Variants in SLC22A25 observed in about 807,000 individuals in gnomAD.
SLC22A25 encodes the protein solute carrier family 22 member 25, also known as MGI:2442751, MGI:2385316, MGI:3042283, MGI:3645714, MGI:3605624, MGI:2442750.
Under a neutral mutation model 45.9 loss-of-function variants are expected in SLC22A25, and 44 were observed. The ratio of observed to expected loss-of-function variants is 0.96; its 90% CI spans 0.75 to 1.23. The LOEUF is 1.23. Among genes scored for constraint, SLC22A25 ranks in the 50% most tolerant of loss-of-function variants. The pLI is 0.00. For synonymous variants in SLC22A25, 283 were observed against 238.6 expected (o/e 1.19, Z -1.72); for missense variants, 800 against 666.4 (o/e 1.20, Z -2.21).
intron 7 of SLC22A25, among the ~76,000 whole-genome samples, chr11:63,195,494 C>T (rs995638364): frequency 3.3e-5 from 5 of 152,110 alleles, no homozygotes; most frequent in African/African-American, 1.2e-4. Flanking sequence ...CGACCTGCTC[C>T]TGAATGACTA....
chr11:63,177,812 C>CAT (rs1475867103), intron 9 of SLC22A25, among the ~76,000 whole-genome samples: 6 of 86,558 alleles, frequency 6.9e-5, no homozygotes, highest in Admixed American at 1.3e-4. Flanking sequence ...TATCCAAATA[C>CAT]ATATATATAA....
chr11:63,215,602 A>C (rs1278122802), intron 7 of SLC22A25, among the ~76,000 whole-genome samples: 1 of 152,144 alleles, frequency 6.6e-6, no homozygotes, highest in Non-Finnish European at 1.5e-5. Flanking sequence ...TGGGCATAGG[A>C]CATGGACAGA....
At chr11:63,180,614 A>G (rs1240957300) in intron 9 of SLC22A25, 46 bp downstream of exon 9, 2 of 1,318,462 alleles carry the variant, frequency 1.5e-6, no homozygotes, top group Admixed American at 2.2e-5. Context: ...AAATGGATTT[A>G]TGTCTCCTCT....
chr11:63,227,947 G>A (rs376557683), intron 5 of SLC22A25, among the ~76,000 whole-genome samples: 7 of 152,310 alleles, frequency 4.6e-5, no homozygotes, highest in African/African-American at 1.7e-4. Flanking sequence ...CGTAATTGCT[G>A]TGCTCTTCCT....
chr11:63,202,727 A>T (rs1195981787), intron 7 of SLC22A25, among the ~76,000 whole-genome samples: 1 of 152,238 alleles, frequency 6.6e-6, no homozygotes, highest in East Asian at 1.9e-4. Flanking sequence ...CTGTGGGCGC[A>T]GCTTCAGCAG....
intron 7 of SLC22A25, among the ~76,000 whole-genome samples, chr11:63,200,229 T>C (rs2089196648): frequency 1.3e-5 from 2 of 150,686 alleles, no homozygotes; most frequent in Admixed American, 1.3e-4. Flanking sequence ...CCAACATCCT[T>C]GATGAACATC....
At chr11:63,207,269 G>C (rs2089432471) in intron 7 of SLC22A25, among the ~76,000 whole-genome samples, 1 of 152,176 alleles carries the variant, frequency 6.6e-6, no homozygotes. Flanking sequence ...ATTGATAAAT[G>C]GGATCTAATT....
At chr11:63,173,337 A>C (rs1474136993) in intron 9 of SLC22A25, among the ~76,000 whole-genome samples, 2 of 152,186 alleles carry the variant, frequency 1.3e-5, no homozygotes, top group Non-Finnish European at 2.9e-5. Context: ...ATACCAATGT[A>C]ACAAACCTGT....
Position 63,163,917 on chromosome 11 carries a change from T to G in SLC22A25, c.1551A>C (p.Glu517Asp). The G allele has an allele frequency of 6.2e-7, 1 of 1,613,874 alleles. No individual in the cohort carries two copies. The highest frequency in any genetic ancestry group is 1.7e-5 in the Admixed American group (1 of 59,982). Residue 517 changes from glutamate to aspartate, a missense_variant, in exon 12 of 12, where the codon GAA becomes GAC. By Grantham distance (45) the Glu-to-Asp change is conservative. Transcript: ENST00000306494. ...TGTCAAGAAGAGGCTGGTTCCTGGT[T>G]TCAGGAAGGAGGAGGACAACAAGGC... is the stretch of plus-strand genomic sequence containing the variant. ...LSGLVVLLLP[E>D]TRNQPLLDSI...
At chr11:63,188,442 C>A (rs2088653317) in intron 7 of SLC22A25, among the ~76,000 whole-genome samples, 1 of 152,096 alleles carries the variant, frequency 6.6e-6, no homozygotes. Flanking sequence ...CTCTTTTCTT[C>A]TTTATTAGTC....
intron 9 of SLC22A25, among the ~76,000 whole-genome samples, chr11:63,177,419 T>G (rs928514322): frequency 6.6e-6 from 1 of 151,944 alleles, no homozygotes; most frequent in African/African-American, 2.4e-5. Context: ...TCTGGCTATT[T>G]TGAAATATAC....
chr11:63,187,693 G>A (rs1046245696), intron 7 of SLC22A25, among the ~76,000 whole-genome samples: 4 of 152,140 alleles, frequency 2.6e-5, no homozygotes, highest in African/African-American at 7.2e-5. Flanking sequence ...GTCATAGATA[G>A]CTCTTATTAT....
At chr11:63,219,841 G>A in intron 5 of SLC22A25, 1 of 1,063,542 alleles carries the variant, frequency 9.4e-7, no homozygotes, top group Non-Finnish European at 1.3e-6. Context: ...AGAGAGCTGG[G>A]TTACTGGACT....
chr11:63,237,127 C>T (rs1268710282), intron 3 of SLC22A25, among the ~76,000 whole-genome samples: 10 of 151,972 alleles, frequency 6.6e-5, no homozygotes, highest in East Asian at 1.9e-4. Flanking sequence ...ACTTGTAAGT[C>T]GGAGCTAAAC....
At chr11:63,187,041 T>C (rs1303284057) in intron 7 of SLC22A25, among the ~76,000 whole-genome samples, 2 of 152,142 alleles carry the variant, frequency 1.3e-5, no homozygotes, top group Non-Finnish European at 2.9e-5. Context: ...CTTTTTTGGT[T>C]CCATATGAAC....
intron 5 of SLC22A25, chr11:63,218,135 C>T: frequency 2.2e-6 from 1 of 457,004 alleles, no homozygotes; most frequent in South Asian, 1.6e-5. Flanking sequence ...CCTCAATGCC[C>T]ACCAATGGTA....
chr11:63,169,390 A>G (rs1565062608), intron 9 of SLC22A25, among the ~76,000 whole-genome samples: 1 of 152,196 alleles, frequency 6.6e-6, no homozygotes, highest in Non-Finnish European at 1.5e-5. Context: ...CATAGAGTCA[A>G]GACCCACTGG....
At position 63,230,083 on chromosome 11, in the gene SLC22A25, G is replaced by A. The variant is rs1289180030; in HGVS notation, c.-431C>T. Among the ~76,000 whole-genome samples, 1 of 152,126 alleles carries A rather than the reference G, an allele frequency of 6.6e-6. No homozygotes were observed. Among genetic ancestry groups the A allele is most frequent in the Non-Finnish European group, 1.5e-5 (1 of 68,018 alleles). ...AATCTGTGGGACTCAAAGGCAAAGT[G>A]CTTTTTCTTTTCTCTGTGAAAAGAA... On this transcript the variant is annotated 5_prime_UTR_variant, in exon 4 of 12. Coordinates refer to ENST00000306494, the MANE Select transcript of SLC22A25 (RefSeq NM_199352.6).
chr11:63,164,762 A>G (rs2087623182), intron 10 of SLC22A25, 128 bp from the exon 11 acceptor site: 3 of 691,882 alleles, frequency 4.3e-6, no homozygotes, highest in Admixed American at 2.4e-5. Flanking sequence ...GGAAAACTGC[A>G]TAGAGGCAAA....
Sources: gnomAD v4.1 joint callset for allele counts (sites outside exome capture counted in the v4.1 genomes callset) on GRCh38, gnomAD v4.1.1 for gene constraint, MANE v1.5 for transcripts, NCBI Gene and HGNC (gene_info 2026-07-23, HGNC 2026-07-21) for gene names.